The following SCAI variants were observed in gnomAD, a reference collection of about 807,000 sequenced individuals.
SCAI encodes protein SCAI.
Under a neutral mutation model 92.2 loss-of-function variants are expected in SCAI, and 24 were observed. The ratio of observed to expected loss-of-function variants is 0.26; its 90% confidence interval spans 0.19 to 0.37. SCAI has a LOEUF of 0.37. Among genes scored for constraint, SCAI ranks in the 10% least tolerant of loss-of-function variants. The pLI is 1.00. For missense variants in SCAI, 450 were observed against 736.2 expected, an observed-to-expected ratio of 0.61 and a Z score of 4.50; for synonymous variants, 261 against 258.6, an observed-to-expected ratio of 1.01 and a Z score of -0.09.
At chr9:124,998,134 A>T (rs78434399) in intron 13 of SCAI, among the ~76,000 whole-genome samples, 2 of 151,964 alleles carry the variant, frequency 1.3e-5, no homozygotes, top group South Asian at 4.2e-4. Context: ...ATGTAACAAC[A>T]TTCATTTGTG....
At chr9:125,093,254 G>A (rs1012097337) in intron 2 of SCAI, among the ~76,000 whole-genome samples, 16 of 152,126 alleles carry the variant, frequency 1.1e-4, no homozygotes, top group East Asian at 2.0e-4. Context: ...CCAGCTACTC[G>A]GGAGGCTGAG....
intron 3 of SCAI, among the ~76,000 whole-genome samples, chr9:125,047,479 A>G (rs1199874899): frequency 6.6e-6 from 1 of 152,218 alleles, no homozygotes; most frequent in East Asian, 1.9e-4. Context: ...TATGGTAACC[A>G]TCAAATCCCA....
In SCAI at chr9:125,018,873, A is replaced by G; in HGVS notation, c.787T>C (p.Leu263=). 16 of 1,614,092 alleles carry G rather than the reference A, an allele frequency of 9.9e-6. No individual in the cohort carries two copies. The highest frequency in any genetic ancestry group is 1.4e-5 in the Non-Finnish European group (16 of 1,179,974). ...CCCACAATCATGCCCTGTTCCAGCAATGGGGCTCCTGTTTCAGCAAGGCGA... is the reference window on the plus strand; with the variant it reads ...CCCACAATCATGCCCTGTTCCAGCAGTGGGGCTCCTGTTTCAGCAAGGCGA... The part of the protein sequence containing the change: ...SNRLAETGAP[L]LEQGMIVGQL... Residue 263 remains leucine, a synonymous_variant, in exon 9 of 18, where the codon TTG becomes CTG. Coordinates refer to ENST00000336505, the MANE Select transcript of SCAI (RefSeq NM_001144877.3).
chr9:125,073,882 G>A (rs1306760076), intron 2 of SCAI, among the ~76,000 whole-genome samples: 1 of 151,834 alleles, frequency 6.6e-6, no homozygotes, highest in Non-Finnish European at 1.5e-5. Context: ...CTCACAGACT[G>A]CAGGCTTCTA....
chr9:125,039,479 C>T lies in SCAI; in HGVS notation c.231-9740G>A, dbSNP rs185705755. ...CAGTAAAAATGCAGAAGGGCAGGTGCTGATTTCACCACTGGAGACTTTATC... is the reference window on the plus strand; with the variant it reads ...CAGTAAAAATGCAGAAGGGCAGGTGTTGATTTCACCACTGGAGACTTTATC... On this transcript the variant is annotated intron_variant, in intron 3 of 17. Transcript: ENST00000336505. 1.5e-3 allele frequency among the ~76,000 whole-genome samples: 222 copies of T among 152,084 alleles called. 2 individuals are homozygous for T. The Middle Eastern group carries it at 0.037, about 26-fold the overall frequency.
At chr9:124,976,304 G>A (rs1357345807) in intron 14 of SCAI, 118 bp from the exon 15 acceptor site, 2 of 679,984 alleles carry the variant, frequency 2.9e-6, no homozygotes, top group African/African-American at 1.8e-5. Context: ...ATAAATAGAT[G>A]CAGAAACATC....
chr9:125,009,054 A>G (rs1218460849), intron 9 of SCAI, among the ~76,000 whole-genome samples: 1 of 152,186 alleles, frequency 6.6e-6, no homozygotes, highest in East Asian at 1.9e-4. Context: ...TTAAATCTTC[A>G]AAGTGCTGAA....
intron 17 of SCAI, among the ~76,000 whole-genome samples, chr9:124,955,186 T>G (rs1236752210): frequency 1.4e-5 from 2 of 145,704 alleles, no homozygotes; most frequent in Non-Finnish European, 3.0e-5. Context: ...AAAAAAAAAA[T>G]TAAAGATAAA....
intron 3 of SCAI, among the ~76,000 whole-genome samples, chr9:125,037,851 G>T (rs1191646693): frequency 6.6e-6 from 1 of 152,136 alleles, no homozygotes; most frequent in Non-Finnish European, 1.5e-5. Flanking sequence ...GGGAAGCGGA[G>T]GTTGCAGTGA....
At chr9:124,978,993 T>G (rs1484012797) in intron 14 of SCAI, among the ~76,000 whole-genome samples, 3 of 152,004 alleles carry the variant, frequency 2.0e-5, no homozygotes, top group Admixed American at 1.3e-4. Flanking sequence ...CCTGAGTAGC[T>G]GGGATTACAG....
intron 2 of SCAI, among the ~76,000 whole-genome samples, chr9:125,093,006 G>A (rs573630060): frequency 3.9e-5 from 6 of 152,164 alleles, no homozygotes; most frequent in South Asian, 2.1e-4. Flanking sequence ...GTTACTTATC[G>A]ACAGCACTGG....
intron 2 of SCAI, among the ~76,000 whole-genome samples, chr9:125,081,866 G>C (rs1358286175): frequency 6.6e-6 from 1 of 152,142 alleles, no homozygotes; most frequent in Non-Finnish European, 1.5e-5. Context: ...ACCATGCCTG[G>C]TCCTAGGCAC....
At chr9:125,027,556 G>A (rs1033563918) in intron 5 of SCAI, among the ~76,000 whole-genome samples, 2 of 151,992 alleles carry the variant, frequency 1.3e-5, no homozygotes, top group East Asian at 3.9e-4. Context: ...TTTCACTCTT[G>A]TTGCCCAGGC....
intron 17 of SCAI, among the ~76,000 whole-genome samples, chr9:124,963,549 A>G (rs1245798694): frequency 1.3e-5 from 2 of 151,896 alleles, no homozygotes; most frequent in African/African-American, 2.4e-5. Flanking sequence ...CAGGAGTTCG[A>G]GACCAGGTTG....
intron 2 of SCAI, among the ~76,000 whole-genome samples, chr9:125,131,131 C>A (rs1242705128): frequency 6.6e-6 from 1 of 151,286 alleles, no homozygotes; most frequent in East Asian, 1.9e-4. Context: ...TAGCACTGGG[C>A]GCAGTGGCTC....
chr9:125,037,223 C>T (rs1046748310), intron 3 of SCAI, among the ~76,000 whole-genome samples: 62 of 151,388 alleles, frequency 4.1e-4, no homozygotes, highest in African/African-American at 1.5e-3. Flanking sequence ...GAGCTAAGAC[C>T]GCACCACTGC....
chr9:125,109,997 C>T (rs73579903), intron 2 of SCAI, among the ~76,000 whole-genome samples: 5,216 of 152,146 alleles, frequency 0.034, 313 homozygotes, highest in African/African-American at 0.12. Flanking sequence ...CCCAAGCATG[C>T]TTTAATTTAA....
At chr9:125,083,440 C>T (rs1018526001) in intron 2 of SCAI, among the ~76,000 whole-genome samples, 3 of 151,542 alleles carry the variant, frequency 2.0e-5, no homozygotes, top group African/African-American at 7.3e-5. Context: ...ATTGCTTGAA[C>T]CCAGGAGGCG....
rs551063650 is a variant in SCAI at position 124,961,462 on chromosome 9, C to T, written c.1675-8509G>A. ...GCCAGGAGTTCGAGACCAGCCTGGCCAATATGGTGAAACTCCATCTCTACT... is the reference window on the plus strand; with the variant it reads ...GCCAGGAGTTCGAGACCAGCCTGGCTAATATGGTGAAACTCCATCTCTACT... On this transcript the variant is annotated intron_variant, in intron 17 of 17. Transcript: ENST00000336505. 1.2e-3 allele frequency among the ~76,000 whole-genome samples: 187 copies of T among 151,800 alleles called. 1 individual carries two copies. The highest frequency in any genetic ancestry group is 4.3e-3 in the African/African-American group (177 of 41,384).
Sources: allele counts gnomAD v4.1 joint callset (sites outside exome capture counted in the v4.1 genomes callset), GRCh38; gene constraint gnomAD v4.1.1; transcripts MANE v1.5; gene names NCBI Gene and HGNC (gene_info 2026-07-23, HGNC 2026-07-21).